Variants in PSG7 observed in about 807,000 individuals in gnomAD.
PSG7 encodes the protein pregnancy specific beta-1-glycoprotein 7, also known as pregnancy-specific beta-1-glycoprotein 7.
Under a neutral mutation model 45.6 loss-of-function variants are expected in PSG7, and 57 were observed. That is an observed-to-expected ratio of 1.25 (90% CI 1.01 to 1.56). PSG7 has a LOEUF of 1.56. Among genes scored for constraint, PSG7 ranks in the 40% most tolerant of loss-of-function variants. The pLI, the probability that PSG7 is intolerant of heterozygous loss-of-function variation, is 0.00. For synonymous variants in PSG7, 298 were observed against 194.4 expected (o/e 1.53, Z -4.43); for missense variants, 796 against 508.4 (o/e 1.57, Z -5.44).
At position 42,935,563 on chromosome 19, in the gene PSG7, A is replaced by T. The variant is rs782811372; in HGVS notation, c.271T>A (p.Tyr91Asn). The T allele has an allele frequency of 1.2e-6, 2 of 1,611,946 alleles. No homozygotes were observed. The highest frequency in any genetic ancestry group is 1.7e-6 in the Non-Finnish European group (2 of 1,179,016). The change falls in exon 2 of 6, where the codon TAT (tyrosine) becomes AAT (asparagine). Residue 91 changes from tyrosine (Y) to asparagine (N), a missense_variant. Transcript: ENST00000406070. ...TCTCGTCCACTGTATGCAGGCCCAT[A>T]TTTAATTATTTGACCGTCTACTATA... ...SYIVDGQIIK[Y>N]GPAYSGRETV... is the part of the protein sequence containing the mutation.
intron 1 of PSG7, chr19:42,936,015 C>T (rs1191192751): frequency 4.1e-6 from 3 of 731,502 alleles, no homozygotes; most frequent in Non-Finnish European, 6.0e-6. Context: ...TCCTTCAACA[C>T]TCCTGACTTT....
intron 5 of PSG7, 189 bp downstream of exon 5, chr19:42,925,584 A>C: frequency 7.3e-7 from 1 of 1,371,920 alleles, no homozygotes; most frequent in Non-Finnish European, 9.8e-7. Flanking sequence ...AATGTTATGA[A>C]GATATCAGCC....
At chr19:42,929,849 G>C in intron 2 of PSG7, 129 bp from the exon 3 acceptor site, 1 of 1,385,218 alleles carries the variant, frequency 7.2e-7, no homozygotes, top group Non-Finnish European at 9.8e-7. Context: ...TGGCAGGTGT[G>C]TGTGTTACAA....
At position 42,930,708 on chromosome 19, in the gene PSG7, A is replaced by G. The variant is rs553295961; in HGVS notation, c.431-988T>C. On this transcript the variant is annotated intron_variant, in intron 2 of 5. Coordinates refer to ENST00000406070, the MANE Select transcript of PSG7 (RefSeq NM_002783.3). ...TGAGTTTGACTACTCTATGTACCTC[A>G]TATCAGTGGATTCCAGAGTGAATCA... Among the ~76,000 whole-genome samples the G allele has an allele frequency of 2.0e-5, 3 of 151,428 alleles. 1 individual carries two copies. Among genetic ancestry groups the G allele is most frequent in the Admixed American group, 6.6e-5 (1 of 15,160 alleles).
Position 42,933,282 on chromosome 19 carries a change from TATATATATATATATATATATATA to T in PSG7, c.430+2099_430+2121del, listed in dbSNP as rs1453617889. On this transcript the variant is annotated intron_variant, in intron 2 of 5. Transcript: ENST00000406070. ...CACCATTTCAATATATATATATATATATATATATATATATATATATATATATTTTTTTTTTTTTTTGGTGTATG... is the reference window on the plus strand; with the variant it reads ...CACCATTTCAATATATATATATATATTATTTTTTTTTTTTTTTGGTGTATG... Among the ~76,000 whole-genome samples, 58 of 7,374 alleles carry T rather than the reference TATATATATATATATATATATATA, an allele frequency of 7.9e-3. 4 individuals carry two copies. The highest frequency in any genetic ancestry group is 0.057 in the East Asian group (12 of 212). 4.8% of individuals were successfully genotyped at this position (7,374 alleles called of 152,430 possible).
intron 5 of PSG7, chr19:42,925,184 G>T (rs62110912): frequency 2.2e-4 from 75 of 343,936 alleles, no homozygotes; most frequent in African/African-American, 1.0e-3. Context: ...GTTCATTCTA[G>T]CTATATTCTT....
At chr19:42,925,376 C>A in intron 5 of PSG7, 1 of 408,174 alleles carries the variant, frequency 2.4e-6, no homozygotes, top group South Asian at 3.2e-5. Context: ...GTAAATATTT[C>A]AATTATCATT....
At chr19:42,928,491 A>T (rs1972943831) in intron 3 of PSG7, among the ~76,000 whole-genome samples, 1 of 151,662 alleles carries the variant, frequency 6.6e-6, no homozygotes, top group South Asian at 2.1e-4. Context: ...GGGTATAATC[A>T]TTTGACCTTT....
intron 5 of PSG7, chr19:42,925,556 T>G: frequency 6.6e-6 from 8 of 1,213,798 alleles, no homozygotes; most frequent in Non-Finnish European, 8.9e-6. Flanking sequence ...ATGTTTTTCC[T>G]GCTTGGTCTA....
chr19:42,932,731 A>C (rs563778620), intron 2 of PSG7, among the ~76,000 whole-genome samples: 1 of 151,642 alleles, frequency 6.6e-6, no homozygotes, highest in Admixed American at 6.6e-5. Flanking sequence ...GTTCCTCCAT[A>C]AAACTAACAC....
At chr19:42,931,865 A>G (rs1406377891) in intron 2 of PSG7, among the ~76,000 whole-genome samples, 2 of 150,346 alleles carry the variant, frequency 1.3e-5, no homozygotes, top group Non-Finnish European at 3.0e-5. Context: ...AATACTAAAT[A>G]TGAAGTTGAA....
intron 5 of PSG7, 174 bp from the exon 6 acceptor site, chr19:42,924,998 T>G: frequency 1.6e-6 from 1 of 631,020 alleles, no homozygotes; most frequent in Non-Finnish European, 2.8e-6. Flanking sequence ...TCTTCAAACT[T>G]GGTCTGATTG....
chr19:42,926,742 G>T lies in PSG7; in HGVS notation c.710-26C>A. The T allele has an allele frequency of 3.7e-6, 6 of 1,607,498 alleles. No homozygotes were observed. In the South Asian group the frequency reaches 5.5e-5, roughly 15 times the overall value. Reference sequence around the variant, plus strand: ...CTGTGTGAATAACAGAGAGAAGATTGTCCTGTGTGGCACCTTTGATTCCTC... The same window carrying T: ...CTGTGTGAATAACAGAGAGAAGATTTTCCTGTGTGGCACCTTTGATTCCTC... On this transcript the variant is annotated intron_variant, in intron 3 of 5. Coordinates refer to ENST00000406070, the MANE Select transcript of PSG7 (RefSeq NM_002783.3).
At position 42,924,634 on chromosome 19, in the gene PSG7, T is replaced by C. The variant is rs1972486628; in HGVS notation, c.*174A>G. The C allele has an allele frequency of 1.4e-6, 1 of 693,272 alleles. No individual in the cohort carries two copies. Among genetic ancestry groups the C allele is most frequent in the Non-Finnish European group, 2.6e-6 (1 of 384,074 alleles). 42.9% of individuals were successfully genotyped at this position (693,272 alleles called of 1,614,324 possible). On this transcript the variant is annotated 3_prime_UTR_variant, in exon 6 of 6. Coordinates refer to ENST00000406070, the MANE Select transcript of PSG7 (RefSeq NM_002783.3). Reference sequence around the variant, plus strand: ...TGTTTACAGTTTGAGCAGCTGTTGTTATGGTGTTGAACATTTTGGTGAGTT... The same window carrying C: ...TGTTTACAGTTTGAGCAGCTGTTGTCATGGTGTTGAACATTTTGGTGAGTT...
Position 42,935,732 on chromosome 19 carries a change from G to C in PSG7, c.102C>G (p.Ala34=), listed in dbSNP as rs782123760. 1.8e-5 allele frequency: 29 copies of C among 1,611,396 alleles called. 1 individual carries two copies. Among genetic ancestry groups the C allele is most frequent in the Non-Finnish European group, 2.3e-5 (27 of 1,178,892 alleles). ...LLNFWNPPTT[A]QVTIEAQPPK... ...GTGGCTGGGCTTCAATCGTGACTTGGGCTGTGGTGGGCGGGTTCCAGAAGT... is the reference window on the plus strand; with the variant it reads ...GTGGCTGGGCTTCAATCGTGACTTGCGCTGTGGTGGGCGGGTTCCAGAAGT... The change falls in exon 2 of 6, where the codon GCC becomes GCG. Residue 34 remains alanine (A), a synonymous_variant. Coordinates refer to ENST00000406070, the MANE Select transcript of PSG7 (RefSeq NM_002783.3).
In PSG7 at chr19:42,928,186, A is replaced by G. The variant is rs114550392; in HGVS notation, c.709+1256T>C. Reference sequence around the variant, plus strand: ...ATGCCTTGGCATGTGAGAAAGGCTGATTGCTATTTTCTATGTCATGAGAAC... The same window carrying G: ...ATGCCTTGGCATGTGAGAAAGGCTGGTTGCTATTTTCTATGTCATGAGAAC... On this transcript the variant is annotated intron_variant, in intron 3 of 5. Transcript: ENST00000406070. Among the ~76,000 whole-genome samples, 1,094 of 151,558 alleles carry G rather than the reference A, an allele frequency of 7.2e-3. 34 individuals carry two copies. The highest frequency in any genetic ancestry group is 0.026 in the African/African-American group (1,054 of 41,264).
intron 4 of PSG7, 96 bp from the exon 5 acceptor site, chr19:42,926,123 C>G (rs538141101): frequency 1.0e-5 from 16 of 1,534,012 alleles, no homozygotes; most frequent in Non-Finnish European, 1.4e-5. Context: ...TGAGCCGAGA[C>G]ACACCCTCAA....
intron 2 of PSG7, among the ~76,000 whole-genome samples, chr19:42,933,342 G>C (rs569353522): frequency 3.1e-4 from 32 of 104,102 alleles, no homozygotes; most frequent in African/African-American, 1.1e-3. Flanking sequence ...ATGTGTGCAG[G>C]AGGCCAGAAG....
At chr19:42,936,023 T>C (rs1028762553) in intron 1 of PSG7, 26 of 690,924 alleles carry the variant, frequency 3.8e-5, no homozygotes, top group East Asian at 1.0e-4. Context: ...CACTCCTGAC[T>C]TTGGCATTTT....
Sources: allele counts gnomAD v4.1 joint callset (sites outside exome capture counted in the v4.1 genomes callset), GRCh38; gene constraint gnomAD v4.1.1; transcripts MANE v1.5; gene names NCBI Gene and HGNC (gene_info 2026-07-23, HGNC 2026-07-21).